NISCH: variants seen among roughly 807,000 people sequenced by gnomAD.
The protein encoded by NISCH is I-1 receptor candidate protein.
NISCH carries 55 observed loss-of-function variants against 138.4 expected under a neutral mutation model. The observed-to-expected ratio is 0.40, with a 90% CI of 0.32 to 0.50. The LOEUF is 0.50. Ranked by LOEUF, NISCH falls within the 20% of genes least tolerant of loss-of-function variation. The pLI, the probability that NISCH is intolerant of heterozygous loss-of-function variation, is 0.71. For missense variants in NISCH, 1,643 were observed against 2,005.5 expected (o/e 0.82, Z 3.45); for synonymous variants, 860 against 861.5 (o/e 1.00, Z 0.03).
At chr3:52,489,943 G>A (rs1707516241) in intron 17 of NISCH, 132 bp from the exon 18 acceptor site, 3 of 1,325,132 alleles carry the variant, frequency 2.3e-6, no homozygotes, top group African/African-American at 1.5e-5. Flanking sequence ...CTTCCTCTCT[G>A]CCTTGAAGCA....
chr3:52,472,432 C>A, intron 6 of NISCH, 34 bp downstream of exon 6: 1 of 1,548,706 alleles, frequency 6.5e-7, no homozygotes, highest in Non-Finnish European at 8.9e-7. Flanking sequence ...TCCTCTCGCT[C>A]CCAACTCAGA....
chr3:52,481,218 G>A lies in NISCH; in HGVS notation c.1528+923G>A, dbSNP rs1707261541. ...GGCTGCAACTGCAACATCGGAGGAT[G>A]AGAGGGAGAGTCGGCTGTGGTGCAG... On this transcript the variant is annotated intron_variant, in intron 13 of 20. Transcript: ENST00000345716. 4.4e-6 allele frequency: 5 copies of A among 1,143,456 alleles called. No individual in the cohort carries two copies. In the East Asian group the frequency reaches 2.0e-4, roughly 45 times the overall value. The allele number at this position is 1,143,456 out of a possible 1,614,324, so 70.8% of individuals were successfully genotyped here. A position where few individuals can be genotyped will look rare whatever the true frequency, so the allele number is the denominator to read the frequency against.
At chr3:52,491,315 G>T in intron 19 of NISCH, 37 bp from the exon 20 acceptor site, 1 of 1,584,968 alleles carries the variant, frequency 6.3e-7, no homozygotes, top group Non-Finnish European at 8.6e-7. Flanking sequence ...GCTGGGGAGC[G>T]CCGGCCTGTG....
chr3:52,474,532 G>A (rs565785378), intron 7 of NISCH, among the ~76,000 whole-genome samples: 10 of 152,150 alleles, frequency 6.6e-5, no homozygotes, highest in Non-Finnish European at 1.2e-4. Flanking sequence ...TCCTGACCTC[G>A]TGATCCACCC....
chr3:52,483,666 G>A (rs983497684), intron 13 of NISCH, among the ~76,000 whole-genome samples: 1 of 152,260 alleles, frequency 6.6e-6, no homozygotes, highest in Non-Finnish European at 1.5e-5. Flanking sequence ...GCTCAGGCTG[G>A]ACTCAGCAGC....
At chr3:52,491,830 G>A in intron 20 of NISCH, 42 bp from the exon 21 acceptor site, 2 of 1,530,118 alleles carry the variant, frequency 1.3e-6, no homozygotes, top group South Asian at 1.3e-5. Flanking sequence ...GCCCCACCAG[G>A]GGCCGGTTCC....
chr3:52,491,306 C>A, intron 19 of NISCH, 46 bp from the exon 20 acceptor site: 1 of 1,578,586 alleles, frequency 6.3e-7, no homozygotes. Context: ...AGGGATAGGG[C>A]TGGGGAGCGC....
At position 52,490,099 on chromosome 3, in the gene NISCH, C is replaced by T. The variant is rs1276664206; in HGVS notation, c.3481C>T (p.Leu1161Phe). 5.0e-6 allele frequency: 8 copies of T among 1,613,658 alleles called. No homozygotes were observed. The highest frequency in any genetic ancestry group is 6.8e-6 in the Non-Finnish European group (8 of 1,180,008). ...GGTTGAAAACGAGGAGCTGAGGCAC[C>T]TCATGTGGTCCTCGGTGGTGTTCTA... ...AEVENEELRH[L>F]MWSSVVFYQT... The change falls in exon 18 of 21, where the codon CTC (leucine) becomes TTC (phenylalanine). Residue 1161 changes from leucine to phenylalanine, a missense_variant. Physicochemically the swap from Leu to Phe is conservative, Grantham distance 22 (BLOSUM62 0). Coordinates refer to ENST00000345716, the MANE Select transcript of NISCH (RefSeq NM_007184.4).
rs1343089665 is a variant in NISCH, at chr3:52,491,391, A to G, written c.3782A>G (p.Asp1261Gly). 1.9e-6 allele frequency: 3 copies of G among 1,612,998 alleles called. No individual in the cohort carries two copies. The African/African-American group carries it at 4.0e-5, about 22-fold the overall frequency. ...PMQVVTCLTR[D>G]SYLTHCFLQH... ...CAGGTGGTCACGTGCTTGACGCGGG[A>G]CAGCTACCTGACGCACTGCTTCCTC... Residue 1261 changes from aspartate (D) to glycine (G), a missense_variant, in exon 20 of 21, where the codon GAC (aspartate) becomes GGC (glycine). Physicochemically the swap from Asp to Gly is moderately conservative, Grantham distance 94 (BLOSUM62 -1). Transcript: ENST00000345716.
intron 13 of NISCH, among the ~76,000 whole-genome samples, chr3:52,484,009 C>T (rs1336348738): frequency 6.6e-6 from 1 of 152,216 alleles, no homozygotes; most frequent in Non-Finnish European, 1.5e-5. Context: ...CTTCTGAGAG[C>T]GAGCATTCTT....
intron 19 of NISCH, 26 bp downstream of exon 19, chr3:52,490,859 T>C: frequency 6.2e-7 from 1 of 1,612,828 alleles, no homozygotes; most frequent in Non-Finnish European, 8.5e-7. Flanking sequence ...TGCTTTGTCC[T>C]ATTTCGGGTG....
chr3:52,461,920 G>A (rs948710442), intron 3 of NISCH, among the ~76,000 whole-genome samples: 8 of 152,110 alleles, frequency 5.3e-5, no homozygotes, highest in Non-Finnish European at 8.8e-5. Context: ...GCCATTTAGG[G>A]ATGAAACCTG....
intron 3 of NISCH, among the ~76,000 whole-genome samples, chr3:52,462,526 TA>T (rs1220243725): frequency 6.6e-6 from 1 of 152,268 alleles, no homozygotes; most frequent in Non-Finnish European, 1.5e-5. Context: ...TCTTAACTTT[TA>T]TACTGTCTGT....
At chr3:52,480,020 C>A in intron 12 of NISCH, 158 bp downstream of exon 12, 2 of 966,308 alleles carry the variant, frequency 2.1e-6, no homozygotes, top group Non-Finnish European at 3.1e-6. Flanking sequence ...CCTCTCTGTT[C>A]TCTGTGGGGT....
chr3:52,464,734 A>C (rs1269991532), intron 3 of NISCH, among the ~76,000 whole-genome samples: 2 of 152,154 alleles, frequency 1.3e-5, no homozygotes, highest in Non-Finnish European at 2.9e-5. Context: ...CATGTTGGCC[A>C]GGCTGGTCTT....
chr3:52,476,423 C>T, intron 7 of NISCH, 24 bp from the exon 8 acceptor site: 1 of 1,613,398 alleles, frequency 6.2e-7, no homozygotes, highest in Non-Finnish European at 8.5e-7. Context: ...GAGTGTGGTG[C>T]TCCACACAGA....
At chr3:52,471,443 G>A in intron 4 of NISCH, 1 of 343,402 alleles carries the variant, frequency 2.9e-6, no homozygotes, top group Non-Finnish European at 5.4e-6. Context: ...GGCACCATAG[G>A]CCTGCGCCTG....
intron 5 of NISCH, 143 bp downstream of exon 5, chr3:52,472,120 G>A: frequency 9.5e-7 from 1 of 1,056,684 alleles, no homozygotes. Context: ...TTGGCACTAT[G>A]CTTCTGGCTG....
chr3:52,470,810 G>A, intron 3 of NISCH, 49 bp from the exon 4 acceptor site: 1 of 1,491,492 alleles, frequency 6.7e-7, no homozygotes, highest in Non-Finnish European at 9.4e-7. Flanking sequence ...TGACCCCAGG[G>A]ACTGGGGTCA....
Sources: gnomAD v4.1 joint callset for allele counts (sites outside exome capture counted in the v4.1 genomes callset) on GRCh38, gnomAD v4.1.1 for gene constraint, MANE v1.5 for transcripts, NCBI Gene and HGNC (gene_info 2026-07-23, HGNC 2026-07-21) for gene names.